Variants in HPS4 observed in about 807,000 individuals in gnomAD.
HPS4 encodes BLOC-3 complex member HPS4.
In HPS4, 44 loss-of-function variants were observed where a neutral mutation model predicts 70.3. That is an observed-to-expected ratio of 0.63 (90% CI 0.49 to 0.80). The LOEUF is 0.80. Ranked by LOEUF, HPS4 falls within the 30% of genes least tolerant of loss-of-function variation. The pLI is 0.00. For missense variants in HPS4, 873 were observed against 884.4 expected (o/e 0.99, Z 0.16); for synonymous variants, 377 against 355.9 (o/e 1.06, Z -0.67).
At chr22:26,461,496 A>AC (rs1452993259) in intron 11 of HPS4, among the ~76,000 whole-genome samples, 1 of 151,258 alleles carries the variant, frequency 6.6e-6, no homozygotes, top group Non-Finnish European at 1.5e-5. Context: ...ACCAATCCCA[A>AC]CCCCTGCTGC....
At chr22:26,479,762 A>G (rs2091073911) in intron 2 of HPS4, 1 of 863,542 alleles carries the variant, frequency 1.2e-6, no homozygotes, top group African/African-American at 1.8e-5. Context: ...CTGAGCACAA[A>G]GATTTCCAGA....
chr22:26,457,213 T>C (rs1237990635), intron 13 of HPS4, among the ~76,000 whole-genome samples: 3 of 146,086 alleles, frequency 2.1e-5, no homozygotes, highest in African/African-American at 2.6e-5. Flanking sequence ...CGTATTACTT[T>C]TTTTTTTTTT....
At chr22:26,458,296 C>A in intron 12 of HPS4, 149 bp downstream of exon 12, 1 of 970,538 alleles carries the variant, frequency 1.0e-6, no homozygotes, top group Non-Finnish European at 1.6e-6. Context: ...CTCAGTGGGA[C>A]TGGGCTCCCG....
chr22:26,458,048 C>T (rs1275883921), intron 12 of HPS4, 81 bp from the exon 13 acceptor site: 15 of 1,158,756 alleles, frequency 1.3e-5, no homozygotes, highest in East Asian at 1.3e-4. Flanking sequence ...GTACTGAACA[C>T]GGGGACTGAG....
intron 9 of HPS4, 118 bp from the exon 10 acceptor site, chr22:26,465,669 G>A: frequency 1.2e-6 from 1 of 806,926 alleles, no homozygotes; most frequent in Non-Finnish European, 2.1e-6. Context: ...GGGGTGCTGT[G>A]AGTGCATTCC....
At chr22:26,474,379 G>A (rs1487216314) in intron 4 of HPS4, among the ~76,000 whole-genome samples, 4 of 123,538 alleles carry the variant, frequency 3.2e-5, no homozygotes, top group African/African-American at 1.1e-4. Flanking sequence ...TTATCCAGGT[G>A]GAAAAAAAAA....
chr22:26,464,576 G>A lies in HPS4; in HGVS notation c.1054C>T (p.Leu352Phe). The change falls in exon 11 of 14, where the codon CTC becomes TTC. Residue 352 changes from leucine to phenylalanine, a missense_variant. Leu to Phe is a conservative substitution (Grantham distance 22). Transcript: ENST00000398145. ...AGTTCCTTCCCCAGGGAGGAGCTGA[G>A]GCCAAGAACCTCACCCCTGGCAGAG... is the stretch of plus-strand genomic sequence containing the variant. ...HNSARGEVLGLSSSLGKELVF... is the reference protein window; with the variant it reads ...HNSARGEVLGFSSSLGKELVF... The A allele has an allele frequency of 1.2e-6, 2 of 1,614,248 alleles. No individual in the cohort carries two copies. Among genetic ancestry groups the A allele is most frequent in the East Asian group, 2.2e-5 (1 of 44,884 alleles).
Position 26,475,347 on chromosome 22 carries a change from CTT to C in HPS4, c.276+1644_276+1645del, listed in dbSNP as rs5844705. The C allele has an allele frequency of 7.3e-3, 698 of 95,644 alleles. 4 individuals carry two copies. Among genetic ancestry groups the C allele is most frequent in the African/African-American group, 0.024 (625 of 25,624 alleles). The allele number at this position is 95,644 out of a possible 1,614,324, so 5.9% of individuals were successfully genotyped here. On this transcript the variant is annotated intron_variant, in intron 4 of 13. Coordinates refer to ENST00000398145, the MANE Select transcript of HPS4 (RefSeq NM_022081.6). ...GTAACCACAAACAAGCATTAAATTT[CTT>C]TTTTTTTTTTTTTTTTTTTTGAGAT... is the stretch of plus-strand genomic sequence containing the variant.
chr22:26,472,883 C>T lies in HPS4; in HGVS notation c.333G>A (p.Gln111=). The T allele has an allele frequency of 6.2e-7, 1 of 1,614,220 alleles. No homozygotes were observed. Residue 111 remains glutamine, a synonymous_variant, in exon 5 of 14, where the codon CAG becomes CAA. Coordinates refer to ENST00000398145, the MANE Select transcript of HPS4 (RefSeq NM_022081.6). ...TGTAAAAATTAAAGAATCCAACTAG[C>T]TGATCCAGAAACCGCTTGCAGCTGA... ...PDVSCKRFLD[Q]LVGFFNFYNG...
chr22:26,466,531 T>G, intron 8 of HPS4: 1 of 571,040 alleles, frequency 1.8e-6, no homozygotes, highest in Non-Finnish European at 3.1e-6. Flanking sequence ...ACGTTCTGAT[T>G]TTCTCAGTCT....
intron 2 of HPS4, 64 bp downstream of exon 2, chr22:26,481,658 T>C: frequency 6.8e-7 from 1 of 1,460,278 alleles, no homozygotes; most frequent in East Asian, 2.3e-5. Flanking sequence ...GGATTTTCAA[T>C]TAACCCCAAA....
chr22:26,474,019 T>C (rs539589254), intron 4 of HPS4, among the ~76,000 whole-genome samples: 11 of 152,352 alleles, frequency 7.2e-5, no homozygotes, highest in East Asian at 3.9e-4. Flanking sequence ...ATTCTTCCAA[T>C]TGATGAACAG....
chr22:26,480,001 C>T (rs929975555), intron 2 of HPS4, among the ~76,000 whole-genome samples: 1 of 152,202 alleles, frequency 6.6e-6, no homozygotes, highest in East Asian at 1.9e-4. Flanking sequence ...CCTCATTAAC[C>T]GTCTCCTGAT....
chr22:26,449,596 G>A (rs992189706), downstream of HPS4, among the ~76,000 whole-genome samples: 12 of 152,172 alleles, frequency 7.9e-5, no homozygotes, highest in Admixed American at 2.0e-4. Context: ...CTCCCAAAGT[G>A]CTGGGATTAT....
chr22:26,458,820 C>CG lies in HPS4; in HGVS notation c.1714-244dup, dbSNP rs199571343. ...TGGGTGATAGAGTGAGACTCTGTCT[C>CG]GAAAAAAAAAAAAAAAAATCATTCA... On this transcript the variant is annotated intron_variant, in intron 11 of 13. Transcript: ENST00000398145. 0.01 allele frequency among the ~76,000 whole-genome samples: 1,434 copies of CG among 139,458 alleles called. 16 individuals carry two copies. The highest frequency in any genetic ancestry group is 0.027 in the African/African-American group (1,004 of 37,556). 91.5% of individuals were successfully genotyped at this position (139,458 alleles called of 152,430 possible).
chr22:26,477,228 C>A lies in HPS4; in HGVS notation c.133-92G>T, dbSNP rs908462403. On this transcript the variant is annotated intron_variant, in intron 3 of 13. Transcript: ENST00000398145. The stretch of plus-strand genomic sequence containing the variant: ...GCATACTAAAGCCTGCAAGCCAAAT[C>A]CAGTCTGTTACCCGTTTTCCTATGG... 31 of 1,366,328 alleles carry A rather than the reference C, an allele frequency of 2.3e-5. No homozygotes were observed. The Admixed American group carries it at 5.2e-4, about 23-fold the overall frequency. 84.6% of individuals were successfully genotyped at this position (1,366,328 alleles called of 1,614,324 possible).
At chr22:26,462,980 C>A (rs778083605) in intron 11 of HPS4, among the ~76,000 whole-genome samples, 10 of 152,186 alleles carry the variant, frequency 6.6e-5, no homozygotes, top group Non-Finnish European at 7.3e-5. Context: ...AGGTGACTAG[C>A]TCATTTATGG....
At chr22:26,477,647 G>A (rs2090736259) in intron 3 of HPS4, among the ~76,000 whole-genome samples, 3 of 152,164 alleles carry the variant, frequency 2.0e-5, no homozygotes. Context: ...CAGCCAGACA[G>A]TATGGGATAC....
chr22:26,482,262 G>C (rs1482159773), intron 1 of HPS4, 22 bp from the exon 2 acceptor site: 1 of 166,916 alleles, frequency 6.0e-6, no homozygotes, highest in African/African-American at 2.4e-5. Context: ...ACAAGGAATA[G>C]ATATTTCAGC....
Sources: gnomAD v4.1 joint callset for allele counts (sites outside exome capture counted in the v4.1 genomes callset) on GRCh38, gnomAD v4.1.1 for gene constraint, MANE v1.5 for transcripts, NCBI Gene and HGNC (gene_info 2026-07-23, HGNC 2026-07-21) for gene names.